SOX5: variants seen among roughly 807,000 people sequenced by gnomAD.
SOX5 encodes the protein transcription factor SOX-5.
In SOX5, 9 loss-of-function variants were observed where a neutral mutation model predicts 92.0. The ratio of observed to expected loss-of-function variants is 0.10; its 90% confidence interval spans 0.06 to 0.17. The LOEUF is 0.17. Among genes scored for constraint, SOX5 ranks in the 10% least tolerant of loss-of-function variants. The pLI is 1.00. For missense variants in SOX5, 642 were observed against 944.5 expected, an observed-to-expected ratio of 0.68 and a Z score of 4.20; for synonymous variants, 344 against 336.3, an observed-to-expected ratio of 1.02 and a Z score of -0.25.
chr12:24,073,528 T>C (rs1942079332), intron 4 of SOX5, among the ~76,000 whole-genome samples: 1 of 152,176 alleles, frequency 6.6e-6, no homozygotes, highest in African/African-American at 2.4e-5. Context: ...TCTCTTCATT[T>C]TCTGGGATGG....
chr12:24,326,602 C>T (rs556930058), intron 2 of SOX5, among the ~76,000 whole-genome samples: 80 of 152,282 alleles, frequency 5.3e-4, no homozygotes, highest in African/African-American at 1.9e-3. Flanking sequence ...TGTTCCCACT[C>T]AGGGTTTTGC....
rs1414118544 is a variant in SOX5 at position 23,640,129 on chromosome 12, G to T, written c.1017+683C>A. Among the ~76,000 whole-genome samples the T allele has an allele frequency of 5.3e-5, 8 of 152,308 alleles. No individual in the cohort carries two copies. In the South Asian group the frequency reaches 1.7e-3, roughly 32 times the overall value. On this transcript the variant is annotated intron_variant, in intron 8 of 14. Coordinates refer to ENST00000451604, the MANE Select transcript of SOX5 (RefSeq NM_006940.6). ...TTTTGTGGGATGCTGATTCAAAAAT[G>T]TCAACAGTTAATCAAAGCTACCTGT...
intron 2 of SOX5, among the ~76,000 whole-genome samples, chr12:23,877,273 T>C (rs1489421792): frequency 2.0e-5 from 3 of 152,150 alleles, no homozygotes; most frequent in Non-Finnish European, 2.9e-5. Context: ...ATGCTAATTG[T>C]GGAAAAGTTT....
At chr12:24,186,487 T>C (rs1165140641) in intron 4 of SOX5, among the ~76,000 whole-genome samples, 1 of 152,060 alleles carries the variant, frequency 6.6e-6, no homozygotes, top group Non-Finnish European at 1.5e-5. Context: ...AATAAATCAT[T>C]TAAATAAGGT....
intron 1 of SOX5, among the ~76,000 whole-genome samples, chr12:23,912,917 G>A (rs2097367377): frequency 1.3e-5 from 2 of 152,142 alleles, no homozygotes; most frequent in Admixed American, 6.6e-5. Context: ...AAATTAGATT[G>A]TGGTGATGAC....
chr12:24,093,591 A>G (rs527434613), intron 4 of SOX5, among the ~76,000 whole-genome samples: 13 of 151,902 alleles, frequency 8.6e-5, no homozygotes, highest in African/African-American at 2.7e-4. Flanking sequence ...AAAAAGTTTC[A>G]TCATATCAAA....
intron 1 of SOX5, among the ~76,000 whole-genome samples, chr12:24,381,640 G>A (rs867349599): frequency 4.6e-5 from 7 of 152,108 alleles, no homozygotes; most frequent in South Asian, 4.2e-4. Context: ...GCCCTTCTAC[G>A]TGGATTATTT....
At chr12:24,481,269 G>T (rs533931114) in intron 1 of SOX5, among the ~76,000 whole-genome samples, 1 of 152,228 alleles carries the variant, frequency 6.6e-6, no homozygotes, top group Admixed American at 6.5e-5. Context: ...AAAGCGTAGT[G>T]GGGGTGGGGG....
At chr12:24,490,653 G>A (rs1946967860) in intron 1 of SOX5, among the ~76,000 whole-genome samples, 1 of 152,042 alleles carries the variant, frequency 6.6e-6, no homozygotes, top group Admixed American at 6.6e-5. Context: ...GGAAATTCAG[G>A]CTGTATTTGA....
intron 1 of SOX5, among the ~76,000 whole-genome samples, chr12:23,911,584 TG>T (rs890075033): frequency 5.3e-5 from 8 of 152,024 alleles, no homozygotes; most frequent in African/African-American, 9.7e-5. Flanking sequence ...TCTCTGGAAA[TG>T]TTTTTTTAAA....
At chr12:24,147,095 A>T (rs1463641480) in intron 4 of SOX5, among the ~76,000 whole-genome samples, 1 of 152,202 alleles carries the variant, frequency 6.6e-6, no homozygotes, top group East Asian at 1.9e-4. Context: ...TCTTTCACAA[A>T]GGTGAAAAGG....
At chr12:23,787,292 G>A (rs957496129) in intron 3 of SOX5, among the ~76,000 whole-genome samples, 1 of 151,850 alleles carries the variant, frequency 6.6e-6, no homozygotes, top group Non-Finnish European at 1.5e-5. Flanking sequence ...TACACCAATC[G>A]GAAGAGATCT....
At chr12:23,857,246 G>A (rs1419795164) in intron 2 of SOX5, among the ~76,000 whole-genome samples, 1 of 152,164 alleles carries the variant, frequency 6.6e-6, no homozygotes, top group African/African-American at 2.4e-5. Flanking sequence ...TGACCTAGCA[G>A]GCAATGGAGA....
intron 4 of SOX5, among the ~76,000 whole-genome samples, chr12:24,157,568 GGATA>G (rs1246392674): frequency 1.3e-5 from 2 of 152,086 alleles, no homozygotes; most frequent in Non-Finnish European, 2.9e-5. Flanking sequence ...GGATTTGGTT[GGATA>G]GATTGAAGAT....
At chr12:24,359,044 C>T (rs771607045) in intron 2 of SOX5, among the ~76,000 whole-genome samples, 8 of 152,112 alleles carry the variant, frequency 5.3e-5, no homozygotes, top group Non-Finnish European at 1.2e-4. Context: ...TGCTTTGAAC[C>T]CCAGAAACAT....
chr12:24,397,203 C>T (rs1337453766), intron 1 of SOX5, among the ~76,000 whole-genome samples: 2 of 151,926 alleles, frequency 1.3e-5, no homozygotes, highest in Non-Finnish European at 2.9e-5. Flanking sequence ...TCCTTTCTTC[C>T]TCCCTTTTTT....
chr12:24,512,865 G>GA (rs1182026032), intron 1 of SOX5, among the ~76,000 whole-genome samples: 7 of 152,148 alleles, frequency 4.6e-5, no homozygotes, highest in Admixed American at 1.3e-4. Context: ...TAACTTGATA[G>GA]AAAAAAACAT....
chr12:23,804,915 T>TTA (rs528741802), intron 3 of SOX5, among the ~76,000 whole-genome samples: 892 of 74,550 alleles, frequency 0.012, 8 homozygotes, highest in Middle Eastern at 0.036. Flanking sequence ...TATCATTGTT[T>TTA]TATATATATA....
chr12:24,321,889 G>A (rs914715929), intron 2 of SOX5, among the ~76,000 whole-genome samples: 6 of 152,164 alleles, frequency 3.9e-5, no homozygotes, highest in Non-Finnish European at 5.9e-5. Context: ...ATATACTCAC[G>A]GTCTCATCCA....
Sources: gnomAD v4.1 joint callset for allele counts (sites outside exome capture counted in the v4.1 genomes callset) on GRCh38, gnomAD v4.1.1 for gene constraint, MANE v1.5 for transcripts, NCBI Gene and HGNC (gene_info 2026-07-23, HGNC 2026-07-21) for gene names.